The following CACNA1D variants were observed in gnomAD, a reference collection of about 807,000 sequenced individuals.
The protein encoded by CACNA1D is voltage-dependent L-type calcium channel subunit alpha-1D.
CACNA1D carries 55 observed loss-of-function variants against 257.1 expected under a neutral mutation model. The ratio of observed to expected loss-of-function variants is 0.21; its 90% CI spans 0.17 to 0.27. The LOEUF (loss-of-function observed/expected upper bound fraction) is 0.27. Ranked by LOEUF, CACNA1D falls within the 10% of genes least tolerant of loss-of-function variation. CACNA1D has a pLI of 1.00. For synonymous variants in CACNA1D, 980 were observed against 1,014.9 expected, an observed-to-expected ratio of 0.97 and a Z score of 0.65; for missense variants, 1,876 against 2,784.0, an observed-to-expected ratio of 0.67 and a Z score of 7.34.
At chr3:53,662,236 G>A (rs1434749504) in intron 5 of CACNA1D, among the ~76,000 whole-genome samples, 1 of 152,164 alleles carries the variant, frequency 6.6e-6, no homozygotes, top group South Asian at 2.1e-4. Context: ...TCAGTGAAAG[G>A]TAAATTTATT....
intron 3 of CACNA1D, among the ~76,000 whole-genome samples, chr3:53,591,563 T>G (rs1195667886): frequency 6.6e-6 from 1 of 152,178 alleles, no homozygotes; most frequent in African/African-American, 2.4e-5. Context: ...CCACCTCCTC[T>G]TTTAATACCA....
At position 53,737,430 on chromosome 3, in the gene CACNA1D, A is replaced by G. The variant is rs769766425; in HGVS notation, c.2751+1927A>G. Among the ~76,000 whole-genome samples the G allele has an allele frequency of 7.9e-5, 12 of 152,342 alleles. No homozygotes were observed. The East Asian group carries it at 1.9e-3, about 24-fold the overall frequency. On this transcript the variant is annotated intron_variant, in intron 20 of 47. Coordinates refer to ENST00000350061, the MANE Select transcript of CACNA1D (RefSeq NM_001128840.3). ...GTCTACAGGAGGATGTGCATAGATT[A>G]TATGCAAACACTACACCATTTTATA...
intron 3 of CACNA1D, among the ~76,000 whole-genome samples, chr3:53,541,860 A>G (rs2092306294): frequency 6.6e-6 from 1 of 152,190 alleles, no homozygotes; most frequent in South Asian, 2.1e-4. Flanking sequence ...TACTCCCTCC[A>G]GGACATCATT....
In CACNA1D at chr3:53,776,052, G is replaced by A; in HGVS notation, c.4362+7G>A. 2 of 1,612,524 alleles carry A rather than the reference G, an allele frequency of 1.2e-6. No homozygotes were observed. Among genetic ancestry groups the A allele is most frequent in the Non-Finnish European group, 1.7e-6 (2 of 1,178,668 alleles). ...CATGCTCTGTGCATTTCTGGTAAGT[G>A]AGCAACACAGCTCCCCCTCTCAATT... On this transcript the variant is annotated splice_region_variant and intron_variant, in intron 35 of 47. Coordinates refer to ENST00000350061, the MANE Select transcript of CACNA1D (RefSeq NM_001128840.3).
At chr3:53,724,944 T>C (rs2094919708) in intron 14 of CACNA1D, among the ~76,000 whole-genome samples, 1 of 152,194 alleles carries the variant, frequency 6.6e-6, no homozygotes, top group Admixed American at 6.5e-5. Flanking sequence ...TATACTTAAA[T>C]TTTGGCTGCT....
At chr3:53,646,572 A>G (rs1355478167) in intron 3 of CACNA1D, among the ~76,000 whole-genome samples, 2 of 152,158 alleles carry the variant, frequency 1.3e-5, no homozygotes, top group East Asian at 1.9e-4. Flanking sequence ...GCCCCTTTCA[A>G]TAGAGAATCC....
intron 29 of CACNA1D, among the ~76,000 whole-genome samples, chr3:53,757,765 C>T (rs1325809999): frequency 6.6e-5 from 10 of 152,324 alleles, no homozygotes; most frequent in Admixed American, 2.0e-4. Flanking sequence ...CCTGCCCATG[C>T]GCCTCTGTCT....
chr3:53,789,227 C>T lies in CACNA1D; in HGVS notation c.4923+2275C>T, dbSNP rs1486321537. ...GATACCAACATATTTTCGCATGGCT[C>T]CATTGGGAGCTGAAGCATCGTCTGT... On this transcript the variant is annotated intron_variant, in intron 40 of 47. Transcript: ENST00000350061. The surrounding 1 kb of genome is among the most constrained non-coding windows in gnomAD (Gnocchi z 4.2). Among the ~76,000 whole-genome samples, 3 of 152,262 alleles carry T rather than the reference C, an allele frequency of 2.0e-5. No homozygotes were observed. Among genetic ancestry groups the T allele is most frequent in the Admixed American group, 6.5e-5 (1 of 15,292 alleles).
chr3:53,636,550 G>T (rs930560810), intron 3 of CACNA1D, among the ~76,000 whole-genome samples: 2 of 152,128 alleles, frequency 1.3e-5, no homozygotes, highest in South Asian at 4.1e-4. Flanking sequence ...AAGCAGTCCG[G>T]CCTGCCTTGG....
intron 3 of CACNA1D, among the ~76,000 whole-genome samples, chr3:53,577,962 AG>A (rs567027971): frequency 5.8e-4 from 88 of 151,868 alleles, no homozygotes; most frequent in African/African-American, 2.1e-3. Flanking sequence ...TTATTTTAAG[AG>A]GGGGGTTGGT....
At chr3:53,716,578 G>A (rs1196019348) in intron 9 of CACNA1D, among the ~76,000 whole-genome samples, 1 of 79,592 alleles carries the variant, frequency 1.3e-5, no homozygotes, top group African/African-American at 5.0e-5. Context: ...GTTTGTTTTT[G>A]TCCAGTTTTT....
chr3:53,695,617 C>T (rs748754966), intron 8 of CACNA1D, among the ~76,000 whole-genome samples: 22 of 152,218 alleles, frequency 1.4e-4, no homozygotes, highest in South Asian at 4.2e-4. Flanking sequence ...TGACAGTGAC[C>T]GTAGCATGGT....
chr3:53,767,920 G>A (rs1289124061), intron 30 of CACNA1D, among the ~76,000 whole-genome samples: 1 of 152,210 alleles, frequency 6.6e-6, no homozygotes, highest in Non-Finnish European at 1.5e-5. Flanking sequence ...GAAGCCTGGT[G>A]TGCTGTTTGC....
At chr3:53,798,411 C>T (rs1337720284) in intron 40 of CACNA1D, among the ~76,000 whole-genome samples, 1 of 152,136 alleles carries the variant, frequency 6.6e-6, no homozygotes, top group African/African-American at 2.4e-5. Flanking sequence ...ACACATGCAT[C>T]CTGAGCCTGT....
chr3:53,630,031 A>G (rs763321520), intron 3 of CACNA1D, among the ~76,000 whole-genome samples: 25 of 152,296 alleles, frequency 1.6e-4, no homozygotes, highest in Non-Finnish European at 3.1e-4. Context: ...CTGTCCTTAT[A>G]TTTGACCTGT....
chr3:53,733,881 T>C (rs1030384965), intron 19 of CACNA1D, among the ~76,000 whole-genome samples: 2 of 151,374 alleles, frequency 1.3e-5, no homozygotes, highest in Non-Finnish European at 2.9e-5. Flanking sequence ...AAAAAGGTTA[T>C]TAAACTGATA....
Position 53,497,395 on chromosome 3 carries a change from G to A in CACNA1D, c.311G>A (p.Arg104His), listed in dbSNP as rs144915770. The change falls in exon 2 of 48, where the codon CGC (arginine) becomes CAC (histidine). Residue 104 changes from arginine (R) to histidine (H), a missense_variant. Arg to His is a conservative substitution (Grantham distance 29). This residue lies in a region of CACNA1D where 143 missense variants were observed against 168.7 expected (regional missense o/e 0.85). Coordinates refer to ENST00000350061, the MANE Select transcript of CACNA1D (RefSeq NM_001128840.3). ...QGNSSNSRPARALFCLSLNNP... is the reference protein window; with the variant it reads ...QGNSSNSRPAHALFCLSLNNP... The stretch of plus-strand genomic sequence containing the variant: ...AACTCGTCCAACAGCCGACCTGCCC[G>A]CGCCCTTTTCTGTTTATCACTCAAT... The A allele has an allele frequency of 2.4e-5, 39 of 1,614,064 alleles. No homozygotes were observed. The highest frequency in any genetic ancestry group is 7.7e-5 in the South Asian group (7 of 91,082).
chr3:53,805,896 C>G (rs1418595190), intron 45 of CACNA1D, among the ~76,000 whole-genome samples: 3 of 127,104 alleles, frequency 2.4e-5, no homozygotes, highest in Non-Finnish European at 5.0e-5. Flanking sequence ...CGCATCTTCT[C>G]CTCCTCCCTC....
At chr3:53,613,181 T>C (rs182862725) in intron 3 of CACNA1D, among the ~76,000 whole-genome samples, 1 of 152,380 alleles carries the variant, frequency 6.6e-6, no homozygotes, top group African/African-American at 2.4e-5. Flanking sequence ...AATTAAATTC[T>C]CTATAATGTA....
Sources: allele counts gnomAD v4.1 joint callset (sites outside exome capture counted in the v4.1 genomes callset), GRCh38; gene constraint gnomAD v4.1.1; regional missense constraint gnomAD v4.1.1; non-coding constraint Gnocchi (gnomAD v3.1); transcripts MANE v1.5; gene names NCBI Gene and HGNC (gene_info 2026-07-23, HGNC 2026-07-21).